The following EFCAB13 variants were observed in gnomAD, a reference collection of about 807,000 sequenced individuals.
EFCAB13 encodes EF-hand calcium-binding domain-containing protein 13.
EFCAB13 carries 91 observed loss-of-function variants against 110.2 expected under a neutral mutation model. That is an observed-to-expected ratio of 0.83 (90% CI 0.70 to 0.98). EFCAB13 has a LOEUF of 0.98. Among genes scored for constraint, EFCAB13 ranks in the 50% least tolerant of loss-of-function variants. The pLI is 0.00. For synonymous variants in EFCAB13, 323 were observed against 369.9 expected, an observed-to-expected ratio of 0.87 and a Z score of 1.45; for missense variants, 968 against 1,119.4, an observed-to-expected ratio of 0.86 and a Z score of 1.93.
At chr17:47,404,465 C>T (rs571975344) in intron 19 of EFCAB13, 97 bp from the exon 20 acceptor site, 83 of 875,000 alleles carry the variant, frequency 9.5e-5, no homozygotes, top group South Asian at 6.0e-4. Flanking sequence ...ATAAAATGTT[C>T]GAGAAATATA....
chr17:47,389,959 A>G (rs1239127682), intron 14 of EFCAB13, among the ~76,000 whole-genome samples: 1 of 152,186 alleles, frequency 6.6e-6, no homozygotes, highest in African/African-American at 2.4e-5. Flanking sequence ...CTATTTACAC[A>G]TCTTCTTTAA....
At chr17:47,346,337 A>T (rs1395625475) in intron 8 of EFCAB13, among the ~76,000 whole-genome samples, 2 of 151,706 alleles carry the variant, frequency 1.3e-5, no homozygotes, top group Admixed American at 1.3e-4. Flanking sequence ...CACTTAGCAT[A>T]ATGTCCTTCA....
intron 23 of EFCAB13, among the ~76,000 whole-genome samples, chr17:47,420,575 T>C (rs1904630942): frequency 6.7e-6 from 1 of 150,170 alleles, no homozygotes; most frequent in Admixed American, 6.6e-5. Flanking sequence ...TCGTCTGAGA[T>C]GTGGGGAGCG....
At chr17:47,404,440 A>G (rs1262353419) in intron 19 of EFCAB13, 122 bp from the exon 20 acceptor site, 2 of 711,682 alleles carry the variant, frequency 2.8e-6, no homozygotes, top group African/African-American at 1.8e-5. Flanking sequence ...AAATGAATCT[A>G]AAAGTACCTT....
chr17:47,377,972 G>A, intron 13 of EFCAB13, 69 bp downstream of exon 13: 1 of 1,366,260 alleles, frequency 7.3e-7, no homozygotes, highest in Non-Finnish European at 9.9e-7. Context: ...TTAAATATTG[G>A]AGGAATTCCT....
intron 17 of EFCAB13, among the ~76,000 whole-genome samples, chr17:47,400,756 T>C (rs2065774538): frequency 2.0e-5 from 3 of 151,134 alleles, no homozygotes; most frequent in Admixed American, 6.6e-5. Flanking sequence ...TGATTATACA[T>C]ACCAAGAACT....
At chr17:47,327,813 A>G (rs1174020019) in intron 3 of EFCAB13, among the ~76,000 whole-genome samples, 1 of 152,200 alleles carries the variant, frequency 6.6e-6, no homozygotes, top group Non-Finnish European at 1.5e-5. Context: ...ATGGGACTGA[A>G]GACCACAGGC....
chr17:47,377,961 A>G, intron 13 of EFCAB13, 58 bp downstream of exon 13: 3 of 1,441,284 alleles, frequency 2.1e-6, no homozygotes, highest in Non-Finnish European at 1.9e-6. Flanking sequence ...ATCGGATAGT[A>G]TTAAATATTG....
chr17:47,366,479 T>C (rs1183958589), intron 10 of EFCAB13, among the ~76,000 whole-genome samples: 1 of 152,188 alleles, frequency 6.6e-6, no homozygotes, highest in Non-Finnish European at 1.5e-5. Context: ...CAGAGTAACG[T>C]TGCCTTGCAT....
At chr17:47,420,795 C>CCT (rs1904660016) in intron 23 of EFCAB13, among the ~76,000 whole-genome samples, 1 of 152,218 alleles carries the variant, frequency 6.6e-6, no homozygotes, top group South Asian at 2.1e-4. Context: ...GCCTGGCAGC[C>CCT]ACCCCATCCG....
chr17:47,335,410 A>G, intron 5 of EFCAB13, 54 bp downstream of exon 5: 1 of 1,437,872 alleles, frequency 7.0e-7, no homozygotes, highest in Non-Finnish European at 9.3e-7. Flanking sequence ...GCAAGTTAAG[A>G]ATGCCAAAAT....
At chr17:47,370,659 C>A in intron 11 of EFCAB13, 151 bp downstream of exon 11, 7 of 499,530 alleles carry the variant, frequency 1.4e-5, no homozygotes, top group South Asian at 3.4e-5. Flanking sequence ...ATATAATACT[C>A]AAAATGCTAT....
intron 23 of EFCAB13, 135 bp from the exon 24 acceptor site, chr17:47,429,683 C>T (rs1905069580): frequency 8.5e-7 from 1 of 1,170,254 alleles, no homozygotes; most frequent in Non-Finnish European, 1.1e-6. Flanking sequence ...GTTTTTAAAA[C>T]TATACAAATA....
chr17:47,377,558 G>A, intron 12 of EFCAB13: 1 of 339,056 alleles, frequency 2.9e-6, no homozygotes, highest in Non-Finnish European at 5.3e-6. Context: ...TTTATAGAAT[G>A]TTAGGACGGT....
intron 12 of EFCAB13, among the ~76,000 whole-genome samples, chr17:47,375,328 T>C (rs1598739737): frequency 6.6e-6 from 1 of 152,296 alleles, no homozygotes. Flanking sequence ...TCTCACTCTG[T>C]CAACCAGGCT....
chr17:47,334,148 A>G (rs2065335969), intron 4 of EFCAB13, among the ~76,000 whole-genome samples: 2 of 151,586 alleles, frequency 1.3e-5, no homozygotes. Flanking sequence ...TTAAAATTTC[A>G]TCATTCTAAC....
At chr17:47,421,970 A>G (rs1655407079) in intron 23 of EFCAB13, among the ~76,000 whole-genome samples, 1 of 152,182 alleles carries the variant, frequency 6.6e-6, no homozygotes, top group South Asian at 2.1e-4. Context: ...TATGAGGCCT[A>G]TGTAATCTTC....
intron 23 of EFCAB13, among the ~76,000 whole-genome samples, chr17:47,417,845 C>G (rs1050193219): frequency 6.6e-6 from 1 of 152,164 alleles, no homozygotes; most frequent in Non-Finnish European, 1.5e-5. Flanking sequence ...CATGTTCTCT[C>G]TGTCAGGGTT....
intron 9 of EFCAB13, among the ~76,000 whole-genome samples, chr17:47,355,865 C>T (rs1309645918): frequency 2.0e-5 from 3 of 151,970 alleles, no homozygotes; most frequent in Admixed American, 1.3e-4. Context: ...GCCACTGCAC[C>T]CAGCAGTGCT....
Sources: gnomAD v4.1 joint callset for allele counts (sites outside exome capture counted in the v4.1 genomes callset) on GRCh38, gnomAD v4.1.1 for gene constraint, MANE v1.5 for transcripts, NCBI Gene and HGNC (gene_info 2026-07-23, HGNC 2026-07-21) for gene names.